Variants in HERC1 observed in about 807,000 individuals in gnomAD.
HERC1 encodes the protein probable E3 ubiquitin-protein ligase HERC1.
In HERC1, 160 loss-of-function variants were observed where a neutral mutation model predicts 554.3. That is an observed-to-expected ratio of 0.29 (90% CI 0.25 to 0.33). The LOEUF is 0.33. HERC1 is among the 10% of genes least tolerant of loss of function. HERC1 has a pLI of 1.00. For synonymous variants in HERC1, 2,175 were observed against 2,131.7 expected (o/e 1.02, Z -0.56); for missense variants, 4,919 against 5,918.5 (o/e 0.83, Z 5.54).
intron 1 of HERC1, among the ~76,000 whole-genome samples, chr15:63,776,851 T>C (rs903028427): frequency 2.6e-5 from 4 of 152,184 alleles, no homozygotes; most frequent in Non-Finnish European, 5.9e-5. Context: ...CTTGAGATTT[T>C]TACATTTCAC....
At chr15:63,619,138 T>C (rs2067955442) in intron 74 of HERC1, among the ~76,000 whole-genome samples, 1 of 152,338 alleles carries the variant, frequency 6.6e-6, no homozygotes, top group South Asian at 2.1e-4. Flanking sequence ...GGGTTTATCA[T>C]AGATAGCTCT....
At chr15:63,619,044 T>C (rs931156466) in intron 74 of HERC1, among the ~76,000 whole-genome samples, 1 of 151,152 alleles carries the variant, frequency 6.6e-6, no homozygotes, top group Non-Finnish European at 1.5e-5. Context: ...TGAATAGGAG[T>C]GGTGAGAGAG....
chr15:63,700,254 T>G (rs1466347705), intron 25 of HERC1, among the ~76,000 whole-genome samples: 3 of 152,166 alleles, frequency 2.0e-5, no homozygotes, highest in Non-Finnish European at 4.4e-5. Flanking sequence ...CATTACTAAG[T>G]GTAACCATGG....
chr15:63,715,273 T>C (rs762265221), intron 22 of HERC1, among the ~76,000 whole-genome samples: 3 of 152,222 alleles, frequency 2.0e-5, no homozygotes, highest in East Asian at 1.9e-4. Flanking sequence ...TCTAAAAGCA[T>C]AGCTAGTTTA....
chr15:63,693,247 CTTTTTTT>C (rs112964926), intron 30 of HERC1, among the ~76,000 whole-genome samples: 1 of 135,502 alleles, frequency 7.4e-6, no homozygotes, highest in South Asian at 2.3e-4. Flanking sequence ...TTTTCTTTTT[CTTTTTTT>C]TTTTTTTGAG....
chr15:63,659,260 T>A (rs1473414222), intron 47 of HERC1, among the ~76,000 whole-genome samples: 1 of 152,150 alleles, frequency 6.6e-6, no homozygotes, highest in Non-Finnish European at 1.5e-5. Flanking sequence ...AACATTTATT[T>A]TTTCCTCTTG....
intron 32 of HERC1, 113 bp from the exon 33 acceptor site, chr15:63,689,812 C>A (rs1019112893): frequency 2.7e-5 from 16 of 595,926 alleles, no homozygotes; most frequent in Non-Finnish European, 4.7e-5. Flanking sequence ...TTTGATTATA[C>A]CAGTGTTCAA....
In HERC1 at chr15:63,824,193, T is replaced by A. The variant is rs1182850293; in HGVS notation, c.-27+9634A>T. ...AATATTTGAACACTGTTGGTGGAAA[T>A]GTAAATTGGAACCGCCATTATGGAA... On this transcript the variant is annotated intron_variant, in intron 1 of 77. Transcript: ENST00000443617. 2.0e-5 allele frequency among the ~76,000 whole-genome samples: 3 copies of A among 152,136 alleles called. No individual in the cohort carries two copies. In the East Asian group the frequency reaches 5.8e-4, roughly 29 times the overall value.
chr15:63,616,027 A>G, intron 75 of HERC1, 107 bp from the exon 76 acceptor site: 1 of 985,496 alleles, frequency 1.0e-6, no homozygotes, highest in South Asian at 1.6e-5. Flanking sequence ...ATTTTTAAGG[A>G]TAAAAACAAG....
intron 73 of HERC1, 126 bp downstream of exon 73, chr15:63,623,599 A>G: frequency 1.1e-6 from 1 of 914,506 alleles, no homozygotes; most frequent in Non-Finnish European, 1.7e-6. Context: ...GCATCACTTT[A>G]TATGAGGCTC....
chr15:63,617,671 T>G (rs1464415744), intron 74 of HERC1, among the ~76,000 whole-genome samples: 1 of 152,194 alleles, frequency 6.6e-6, no homozygotes, highest in Non-Finnish European at 1.5e-5. Flanking sequence ...CCAGCACCTG[T>G]TGTTTCCTGA....
In HERC1 at chr15:63,737,516, GATATATATATATATATATAT is replaced by G. The variant is rs754808106; in HGVS notation, c.2521-2687_2521-2668del. On this transcript the variant is annotated intron_variant, in intron 12 of 77. Coordinates refer to ENST00000443617, the MANE Select transcript of HERC1 (RefSeq NM_003922.4). ...TATACATATATATATCTTTTTTCCAGATATATATATATATATATATATATATATATATCTTTTTTTTTTTT... is the reference window on the plus strand; with the variant it reads ...TATACATATATATATCTTTTTTCCAGATATATATATATCTTTTTTTTTTTT... 3.0e-4 allele frequency among the ~76,000 whole-genome samples: 14 copies of G among 46,442 alleles called. 1 individual carries two copies. The South Asian group carries it at 0.014, about 46-fold the overall frequency. The allele number at this position is 46,442 out of a possible 152,430, so 30.5% of individuals were successfully genotyped here. A position where few individuals can be genotyped will look rare whatever the true frequency, so the allele number is the denominator to read the frequency against.
chr15:63,781,445 T>C (rs551044289), intron 1 of HERC1, among the ~76,000 whole-genome samples: 1 of 152,324 alleles, frequency 6.6e-6, no homozygotes, highest in South Asian at 2.1e-4. Flanking sequence ...ATAACTGTTA[T>C]GGTAACCTGT....
rs1420348950 is a variant in HERC1 at position 63,718,380 on chromosome 15, T to C, written c.3978+194A>G. 4 of 492,840 alleles carry C rather than the reference T, an allele frequency of 8.1e-6. No individual in the cohort carries two copies. The highest frequency in any genetic ancestry group is 2.0e-5 in the African/African-American group (1 of 51,108). 30.5% of individuals were successfully genotyped at this position (492,840 alleles called of 1,614,324 possible). A position where few individuals can be genotyped will look rare whatever the true frequency, so the allele number is the denominator to read the frequency against. On this transcript the variant is annotated intron_variant, in intron 21 of 77. Coordinates refer to ENST00000443617, the MANE Select transcript of HERC1 (RefSeq NM_003922.4). The surrounding 1 kb of genome is among the most constrained non-coding windows in gnomAD (Gnocchi z 4.2). ...CAACTAAAGTTTCTTAGAACCAATA[T>C]CACACTTGGTAAATGTGAGGTTAAG... is the stretch of plus-strand genomic sequence containing the variant.
chr15:63,805,317 T>G (rs992734625), intron 1 of HERC1, among the ~76,000 whole-genome samples: 1 of 152,182 alleles, frequency 6.6e-6, no homozygotes, highest in Non-Finnish European at 1.5e-5. Context: ...TAAGCATTAT[T>G]ATTCATTATT....
At chr15:63,697,450 A>ATTTTTTTTTT (rs35244420) in intron 26 of HERC1, among the ~76,000 whole-genome samples, 1 of 108,498 alleles carries the variant, frequency 9.2e-6, no homozygotes, top group African/African-American at 3.6e-5. Flanking sequence ...GTTAATCTTG[A>ATTTTTTTTTT]TTTTTTTTTT....
rs939026081 is a variant in HERC1, at chr15:63,686,284, CA to C, written c.6225+74del. 2.8e-6 allele frequency: 3 copies of C among 1,080,564 alleles called. No homozygotes were observed. The African/African-American group carries it at 4.8e-5, about 17-fold the overall frequency. The allele number at this position is 1,080,564 out of a possible 1,614,324, so 66.9% of individuals were successfully genotyped here. On this transcript the variant is annotated intron_variant, in intron 34 of 77. Coordinates refer to ENST00000443617, the MANE Select transcript of HERC1 (RefSeq NM_003922.4). ...TCACGATTTTTTTTCAGTCTTTCTA[CA>C]CATTTATTATAAGAACCTGGAAAAA... is the stretch of plus-strand genomic sequence containing the variant.
chr15:63,665,520 C>T (rs1014204381), intron 42 of HERC1, among the ~76,000 whole-genome samples: 3 of 151,820 alleles, frequency 2.0e-5, no homozygotes, highest in African/African-American at 4.8e-5. Context: ...GGCGACAGAG[C>T]GAGACTCCGT....
At chr15:63,616,810 G>A in intron 74 of HERC1, 128 bp from the exon 75 acceptor site, 1 of 807,240 alleles carries the variant, frequency 1.2e-6, no homozygotes, top group East Asian at 2.6e-5. Flanking sequence ...GCCACATAAG[G>A]CTAAAGTAAT....
Sources: allele counts gnomAD v4.1 joint callset (sites outside exome capture counted in the v4.1 genomes callset), GRCh38; gene constraint gnomAD v4.1.1; non-coding constraint Gnocchi (gnomAD v3.1); transcripts MANE v1.5; gene names NCBI Gene and HGNC (gene_info 2026-07-23, HGNC 2026-07-21).